The following TMEM45A variants were observed in gnomAD, a reference collection of about 807,000 sequenced individuals.
The protein encoded by TMEM45A is transmembrane protein 45A.
A neutral mutation model predicts 32.0 loss-of-function variants in TMEM45A; 25 were observed. The ratio of observed to expected loss-of-function variants is 0.78; its 90% CI spans 0.57 to 1.09. The LOEUF (loss-of-function observed/expected upper bound fraction) is 1.09, where lower values mean the gene tolerates loss of function less well. Among genes scored for constraint, TMEM45A ranks in the 50% least tolerant of loss-of-function variants. The pLI is 0.00. For missense variants in TMEM45A, 302 were observed against 325.0 expected (o/e 0.93, Z 0.54); for synonymous variants, 122 against 114.8 (o/e 1.06, Z -0.40).
intron 1 of TMEM45A, among the ~76,000 whole-genome samples, chr3:100,515,578 T>C (rs955573249): frequency 1.3e-5 from 2 of 151,218 alleles, no homozygotes; most frequent in East Asian, 3.9e-4. Context: ...TGTATTCATA[T>C]GTAACTAACC....
chr3:100,528,289 T>C (rs1254961199), intron 1 of TMEM45A, among the ~76,000 whole-genome samples: 2 of 152,182 alleles, frequency 1.3e-5, no homozygotes, highest in Non-Finnish European at 2.9e-5. Context: ...GGCTCTATAT[T>C]TGGTTTTCCC....
intron 1 of TMEM45A, among the ~76,000 whole-genome samples, chr3:100,513,405 G>A (rs1355689923): frequency 6.7e-6 from 1 of 150,318 alleles, no homozygotes; most frequent in Non-Finnish European, 1.5e-5. Context: ...TGCAGAAAAG[G>A]CCTTTGACAA....
intron 1 of TMEM45A, among the ~76,000 whole-genome samples, chr3:100,498,468 A>C (rs1707963366): frequency 6.6e-6 from 1 of 152,156 alleles, no homozygotes. Flanking sequence ...AGACTACAGC[A>C]AGTCTTCCTT....
Position 100,525,874 on chromosome 3 carries a change from C to T in TMEM45A, c.-3-29335C>T, listed in dbSNP as rs115257072. On this transcript the variant is annotated intron_variant, in intron 1 of 5. Coordinates refer to ENST00000323523, the MANE Select transcript of TMEM45A (RefSeq NM_018004.3). The stretch of plus-strand genomic sequence containing the variant: ...TAGTACTGGCTCTGGAAGCACTTTT[C>T]CTTCCTTTCTTCTCTCTGCCTCTGA... Among the ~76,000 whole-genome samples the T allele has an allele frequency of 9.1e-3, 1,380 of 152,240 alleles. 23 individuals carry two copies. Among genetic ancestry groups the T allele is most frequent in the African/African-American group, 0.031 (1,289 of 41,510 alleles).
chr3:100,523,365 A>C (rs921032000), intron 1 of TMEM45A, among the ~76,000 whole-genome samples: 13 of 152,248 alleles, frequency 8.5e-5, no homozygotes, highest in Non-Finnish European at 1.6e-4. Context: ...CTATGGGCTC[A>C]TCCATCCATT....
chr3:100,532,015 C>T (rs9852313), intron 1 of TMEM45A, among the ~76,000 whole-genome samples: 3,364 of 152,120 alleles, frequency 0.022, 128 homozygotes, highest in African/African-American at 0.078. Context: ...ATAATTTTTT[C>T]CTTTTTTGAA....
chr3:100,558,375 GA>G (rs1308967514), intron 3 of TMEM45A, 29 bp from the exon 4 acceptor site: 16 of 1,611,414 alleles, frequency 9.9e-6, no homozygotes, highest in Non-Finnish European at 1.4e-5. Flanking sequence ...TGGTTCCACT[GA>G]AAAAGACAAT....
rs535213097 is a variant in TMEM45A, at chr3:100,514,918, C to T, written c.-4+21990C>T. On this transcript the variant is annotated intron_variant, in intron 1 of 5. Transcript: ENST00000323523. ...CCATCAGAGAAATGCAAATCAAAAC[C>T]ACAATGAGATACCATCTCACACCAG... Among the ~76,000 whole-genome samples, 11 of 149,108 alleles carry T rather than the reference C, an allele frequency of 7.4e-5. No homozygotes were observed. In the South Asian group the frequency reaches 2.4e-3, roughly 32 times the overall value.
At chr3:100,552,913 A>G (rs1328730213) in intron 1 of TMEM45A, among the ~76,000 whole-genome samples, 2 of 152,228 alleles carry the variant, frequency 1.3e-5, no homozygotes, top group Non-Finnish European at 2.9e-5. Flanking sequence ...TTATCCCAGT[A>G]ACCCTCTAAG....
intron 3 of TMEM45A, among the ~76,000 whole-genome samples, chr3:100,557,890 C>T (rs2148984075): frequency 6.6e-6 from 1 of 152,298 alleles, no homozygotes; most frequent in African/African-American, 2.4e-5. Flanking sequence ...GTTGTTATAT[C>T]TGTCAAAATC....
At chr3:100,523,977 G>C (rs990417685) in intron 1 of TMEM45A, among the ~76,000 whole-genome samples, 6 of 152,190 alleles carry the variant, frequency 3.9e-5, no homozygotes, top group African/African-American at 1.4e-4. Context: ...AATTCTAATG[G>C]GCAACAGTAG....
chr3:100,557,978 C>G (rs1706257670), intron 3 of TMEM45A, among the ~76,000 whole-genome samples: 1 of 152,202 alleles, frequency 6.6e-6, no homozygotes, highest in Non-Finnish European at 1.5e-5. Context: ...GTGTGCTCAT[C>G]TGAATTATTG....
chr3:100,537,714 C>T (rs1705770007), intron 1 of TMEM45A, among the ~76,000 whole-genome samples: 1 of 152,218 alleles, frequency 6.6e-6, no homozygotes, highest in Non-Finnish European at 1.5e-5. Context: ...TGTAGATTGG[C>T]CCAGGAGATA....
chr3:100,517,370 G>A (rs540621196), intron 1 of TMEM45A, among the ~76,000 whole-genome samples: 1 of 152,300 alleles, frequency 6.6e-6, no homozygotes, highest in Admixed American at 6.5e-5. Flanking sequence ...ATAGGCATAA[G>A]CCACCGCACC....
intron 1 of TMEM45A, among the ~76,000 whole-genome samples, chr3:100,494,124 A>T (rs182915423): frequency 1.2e-3 from 176 of 152,324 alleles, no homozygotes; most frequent in Admixed American, 3.1e-3. Context: ...ACATTACAGG[A>T]TTTAGAAACA....
intron 1 of TMEM45A, among the ~76,000 whole-genome samples, chr3:100,549,129 A>C (rs538482285): frequency 4.5e-4 from 69 of 151,912 alleles, no homozygotes; most frequent in Non-Finnish European, 9.6e-4. Context: ...CGCCTGTAAT[A>C]CCAGCTACTC....
At chr3:100,538,354 A>T (rs1337324719) in intron 1 of TMEM45A, among the ~76,000 whole-genome samples, 2 of 140,728 alleles carry the variant, frequency 1.4e-5, no homozygotes, top group African/African-American at 5.0e-5. Context: ...TTAAAAGATA[A>T]GTTAAACACA....
At chr3:100,519,403 G>A (rs1033810847) in intron 1 of TMEM45A, 3 of 637,548 alleles carry the variant, frequency 4.7e-6, no homozygotes, top group Non-Finnish European at 8.4e-6. Context: ...GTGTGTGTGT[G>A]TGTGTGTAAA....
chr3:100,547,072 A>G (rs1705992380), intron 1 of TMEM45A, among the ~76,000 whole-genome samples: 1 of 152,210 alleles, frequency 6.6e-6, no homozygotes, highest in Admixed American at 6.5e-5. Flanking sequence ...ATAAACAGCC[A>G]ATTAACACAT....
Sources: allele counts gnomAD v4.1 joint callset (sites outside exome capture counted in the v4.1 genomes callset), GRCh38; gene constraint gnomAD v4.1.1; transcripts MANE v1.5; gene names NCBI Gene and HGNC (gene_info 2026-07-23, HGNC 2026-07-21).